Variants in DOCK10 observed in about 807,000 individuals in gnomAD.
DOCK10 encodes dedicator of cytokinesis 10.
DOCK10 carries 145 observed loss-of-function variants against 280.1 expected under a neutral mutation model. That is an observed-to-expected ratio of 0.52 (90% CI 0.45 to 0.59). The LOEUF (loss-of-function observed/expected upper bound fraction) is 0.59. DOCK10 is among the 20% of genes least tolerant of loss of function. The probability of loss-of-function intolerance (pLI) is 0.00; values close to 1 mark genes in which losing one functional copy is unlikely to be tolerated. For missense variants in DOCK10, 2,368 were observed against 2,651.7 expected, an observed-to-expected ratio of 0.89 and a Z score of 2.35; for synonymous variants, 915 against 942.2, an observed-to-expected ratio of 0.97 and a Z score of 0.53.
chr2:224,789,082 T>G lies in DOCK10; in HGVS notation c.5400A>C (p.Gln1800His), dbSNP rs1691961005. 1 of 1,613,162 alleles carries G rather than the reference T, an allele frequency of 6.2e-7. No homozygotes were observed. The highest frequency in any genetic ancestry group is 1.3e-5 in the African/African-American group (1 of 74,934). ...EGAMKEDSGMQDTPYNENILV... is the reference protein window; with the variant it reads ...EGAMKEDSGMHDTPYNENILV... ...GTCTAACCTCATTGTATGGTGTATC[T>G]TGCATTCCAGAATCCTCTTTCATCG... The change falls in exon 48 of 56, where the codon CAA (glutamine) becomes CAC (histidine). Residue 1800 changes from glutamine (Q) to histidine (H), a missense_variant. This residue lies in a region of DOCK10 where 1,159 missense variants were observed against 1,400.8 expected (regional missense o/e 0.83). Transcript: ENST00000258390.
chr2:224,916,648 G>GA (rs1478469638), intron 3 of DOCK10, 47 bp downstream of exon 3: 4 of 1,398,554 alleles, frequency 2.9e-6, no homozygotes, highest in African/African-American at 2.9e-5. Context: ...AATCCCCTGG[G>GA]AAAAAGCAAA....
Position 224,805,327 on chromosome 2 carries a change from A to G in DOCK10, c.3937-7T>C, listed in dbSNP as rs376586840. On this transcript the variant is annotated splice_polypyrimidine_tract_variant and splice_region_variant and intron_variant, in intron 35 of 55. Coordinates refer to ENST00000258390, the MANE Select transcript of DOCK10 (RefSeq NM_014689.3). This position sits in a 1 kb window ranked among gnomAD's most constrained non-coding sequence, Gnocchi z 4.3. ...AAGACAAGGGTCTTGGGATCTGGGA[A>G]TTCAAGAACCAATCAGGATTGAGTG... 1.7e-5 allele frequency: 27 copies of G among 1,612,668 alleles called. No individual in the cohort carries two copies. The African/African-American group carries it at 3.2e-4, about 19-fold the overall frequency.
At chr2:224,863,447 C>A (rs940583761) in intron 13 of DOCK10, among the ~76,000 whole-genome samples, 6 of 151,942 alleles carry the variant, frequency 3.9e-5, no homozygotes, top group African/African-American at 1.2e-4. Context: ...TTTAATATTT[C>A]TTTTCTTTTC....
chr2:224,985,625 A>G (rs918544513), intron 1 of DOCK10, among the ~76,000 whole-genome samples: 17 of 122,308 alleles, frequency 1.4e-4, no homozygotes, highest in African/African-American at 4.9e-4. Context: ...AAGGAGGTTA[A>G]GGAGGAAAAA....
intron 48 of DOCK10, among the ~76,000 whole-genome samples, chr2:224,788,469 C>G (rs1336452659): frequency 6.6e-6 from 1 of 151,730 alleles, no homozygotes; most frequent in African/African-American, 2.4e-5. Context: ...GGTGTAGAAC[C>G]ATTTGTAAAA....
chr2:224,969,024 G>A (rs922791810), intron 1 of DOCK10, among the ~76,000 whole-genome samples: 12 of 152,322 alleles, frequency 7.9e-5, no homozygotes, highest in Admixed American at 7.2e-4. Flanking sequence ...GCTGCAGAGA[G>A]GCACAGTGTC....
chr2:224,865,226 C>T (rs1315975146), intron 11 of DOCK10, 139 bp from the exon 12 acceptor site: 8 of 746,546 alleles, frequency 1.1e-5, no homozygotes, highest in South Asian at 5.4e-5. Context: ...GACCCGGAAT[C>T]CTGTCCTCCA....
At position 224,912,657 on chromosome 2, in the gene DOCK10, T is replaced by A. The variant is rs1031573856; in HGVS notation, c.333+4038A>T. Among the ~76,000 whole-genome samples the A allele has an allele frequency of 3.3e-5, 5 of 152,346 alleles. No individual in the cohort carries two copies. In the East Asian group the frequency reaches 9.6e-4, roughly 29 times the overall value. On this transcript the variant is annotated intron_variant, in intron 3 of 55. Transcript: ENST00000258390. ...AGCCTTATATAAACATATTTGTGTA[T>A]ATATGTATAGGTTTTATATCTTTCG...
intron 40 of DOCK10, among the ~76,000 whole-genome samples, chr2:224,801,282 CAAAA>C (rs3083075): frequency 5.4e-5 from 4 of 74,644 alleles, no homozygotes; most frequent in Non-Finnish European, 4.9e-5. Flanking sequence ...CAAGACATGG[CAAAA>C]AAAAAAAAAA....
At chr2:224,944,778 C>A (rs1308110027) in intron 1 of DOCK10, among the ~76,000 whole-genome samples, 1 of 152,186 alleles carries the variant, frequency 6.6e-6, no homozygotes, top group Non-Finnish European at 1.5e-5. Flanking sequence ...CAAGAGACAA[C>A]CTGTGAAAGT....
intron 4 of DOCK10, among the ~76,000 whole-genome samples, chr2:224,889,951 G>C (rs1345378788): frequency 4.6e-5 from 7 of 152,232 alleles, no homozygotes. Context: ...TGTCTGCAGA[G>C]AACAGAAGAT....
chr2:224,952,689 T>C (rs1331945075), intron 1 of DOCK10, among the ~76,000 whole-genome samples: 14 of 148,616 alleles, frequency 9.4e-5, no homozygotes, highest in Non-Finnish European at 1.8e-4. Flanking sequence ...GCCTCCCGGG[T>C]TCACGCCATT....
chr2:224,896,269 A>C, intron 4 of DOCK10, 26 bp downstream of exon 4: 1 of 1,378,750 alleles, frequency 7.3e-7, no homozygotes, highest in Non-Finnish European at 1.0e-6. Context: ...GGAAAAGACC[A>C]ATAAGTGCTC....
chr2:225,001,834 G>A (rs1365823290), intron 1 of DOCK10, among the ~76,000 whole-genome samples: 1 of 152,158 alleles, frequency 6.6e-6, no homozygotes, highest in Non-Finnish European at 1.5e-5. Flanking sequence ...ATGGTAGGAG[G>A]AGCAAATGAG....
At chr2:224,766,507 G>A (rs540107720) in intron 55 of DOCK10, among the ~76,000 whole-genome samples, 13 of 152,168 alleles carry the variant, frequency 8.5e-5, no homozygotes, top group Non-Finnish European at 1.8e-4. Flanking sequence ...TCAGCTGAGA[G>A]CATCCTATAC....
At chr2:224,787,605 C>A (rs989928530) in intron 48 of DOCK10, among the ~76,000 whole-genome samples, 1 of 152,200 alleles carries the variant, frequency 6.6e-6, no homozygotes, top group African/African-American at 2.4e-5. Flanking sequence ...TAATTTAAAT[C>A]TGTGAAATGC....
At chr2:224,813,756 A>T (rs1693941750) in intron 31 of DOCK10, among the ~76,000 whole-genome samples, 1 of 152,254 alleles carries the variant, frequency 6.6e-6, no homozygotes, top group Non-Finnish European at 1.5e-5. Flanking sequence ...AGGAATGCAG[A>T]AGTTCAGGAG....
In DOCK10 at chr2:224,804,821, C is replaced by A; in HGVS notation, c.4139G>T (p.Arg1380Ile). ...TATTATGTTGCGTTTTCCTAGGTAT[C>A]TGAAATTTTGAAGACAAACGCTAGA... Reference protein sequence around the residue: ...SILDVCLQNFRYLGKRNIIRK... With the variant: ...SILDVCLQNFIYLGKRNIIRK... The change falls in exon 38 of 56, where the codon AGA becomes ATA. Residue 1380 changes from arginine to isoleucine, a missense_variant. Arg to Ile is a moderately conservative substitution (Grantham distance 97, BLOSUM62 -3). Around this residue, in one of 2 missense-constraint regions of DOCK10, gnomAD observed 1,159 missense variants for 1,400.8 expected, o/e 0.83. Coordinates refer to ENST00000258390, the MANE Select transcript of DOCK10 (RefSeq NM_014689.3). 6.6e-7 allele frequency: 1 copy of A among 1,508,230 alleles called. No individual in the cohort carries two copies. The allele number at this position is 1,508,230 out of a possible 1,614,324, so 93.4% of individuals were successfully genotyped here.
At chr2:224,904,438 C>A (rs942779734) in intron 3 of DOCK10, among the ~76,000 whole-genome samples, 1 of 151,976 alleles carries the variant, frequency 6.6e-6, no homozygotes, top group Non-Finnish European at 1.5e-5. Context: ...TTTGAAGCAA[C>A]GTTTGTGGTT....
Sources: allele counts gnomAD v4.1 joint callset (sites outside exome capture counted in the v4.1 genomes callset), GRCh38; gene constraint gnomAD v4.1.1; regional missense constraint gnomAD v4.1.1; non-coding constraint Gnocchi (gnomAD v3.1); transcripts MANE v1.5; gene names NCBI Gene and HGNC (gene_info 2026-07-23, HGNC 2026-07-21).